The following L3MBTL4 variants were observed in gnomAD, a reference collection of about 807,000 sequenced individuals.
L3MBTL4 encodes the protein L3MBTL histone methyl-lysine binding protein 4, also known as lethal(3)malignant brain tumor-like protein 4.
In L3MBTL4, 70 loss-of-function variants were observed where a neutral mutation model predicts 84.5. That is an observed-to-expected ratio of 0.83 (90% CI 0.68 to 1.01). The LOEUF (loss-of-function observed/expected upper bound fraction) is 1.01. L3MBTL4 is among the 50% of genes least tolerant of loss of function. The pLI, the probability that L3MBTL4 is intolerant of heterozygous loss-of-function variation, is 0.00. For missense variants in L3MBTL4, 715 were observed against 754.8 expected, an observed-to-expected ratio of 0.95 and a Z score of 0.62; for synonymous variants, 274 against 259.8, an observed-to-expected ratio of 1.05 and a Z score of -0.52.
At chr18:6,176,999 A>G (rs1279346197) in intron 12 of L3MBTL4, among the ~76,000 whole-genome samples, 1 of 152,218 alleles carries the variant, frequency 6.6e-6, no homozygotes, top group Non-Finnish European at 1.5e-5. Context: ...GTTACTGCCG[A>G]GGCTGTGGAG....
chr18:5,990,143 G>A (rs2053626793), intron 16 of L3MBTL4, among the ~76,000 whole-genome samples: 1 of 152,200 alleles, frequency 6.6e-6, no homozygotes, highest in East Asian at 1.9e-4. Context: ...AAGGCCTTTG[G>A]GCAGGGAAGT....
At chr18:6,347,979 CAA>C (rs1156822503) in intron 1 of L3MBTL4, among the ~76,000 whole-genome samples, 1 of 151,862 alleles carries the variant, frequency 6.6e-6, no homozygotes, top group Non-Finnish European at 1.5e-5. Context: ...AAGATCCATA[CAA>C]AGAGTCAATC....
chr18:6,194,405 A>G lies in L3MBTL4; in HGVS notation c.981+18744T>C, dbSNP rs192086179. ...AATGAACACAACATGTAGGCTGCTA[A>G]ATGCCACCATCACAGCCGTCGTTAC... On this transcript the variant is annotated intron_variant, in intron 12 of 18. Transcript: ENST00000317931. 3.3e-5 allele frequency among the ~76,000 whole-genome samples: 5 copies of G among 152,344 alleles called. No homozygotes were observed. In the East Asian group the frequency reaches 9.6e-4, roughly 29 times the overall value.
intron 1 of L3MBTL4, among the ~76,000 whole-genome samples, chr18:6,399,337 T>C (rs530155200): frequency 1.2e-4 from 19 of 152,028 alleles, no homozygotes; most frequent in African/African-American, 3.6e-4. Flanking sequence ...ACTTGGAGGC[T>C]GAGGCAGGAG....
chr18:6,140,982 T>A (rs2060179253), intron 13 of L3MBTL4, among the ~76,000 whole-genome samples: 1 of 151,430 alleles, frequency 6.6e-6, no homozygotes, highest in South Asian at 2.1e-4. Flanking sequence ...TAACACAAAT[T>A]TATGGTTTAT....
intron 1 of L3MBTL4, among the ~76,000 whole-genome samples, chr18:6,368,121 C>G (rs1162839652): frequency 1.3e-5 from 2 of 152,038 alleles, no homozygotes; most frequent in African/African-American, 4.8e-5. Flanking sequence ...GACCTCAGGC[C>G]TCCCCTCAGC....
chr18:6,220,340 T>C (rs1021458619), intron 10 of L3MBTL4, among the ~76,000 whole-genome samples: 3 of 152,182 alleles, frequency 2.0e-5, no homozygotes, highest in African/African-American at 7.2e-5. Context: ...TCCTGTTCAC[T>C]ACACTCCTGC....
intron 4 of L3MBTL4, among the ~76,000 whole-genome samples, chr18:6,289,049 T>C (rs1403817892): frequency 6.6e-6 from 1 of 152,048 alleles, no homozygotes; most frequent in Non-Finnish European, 1.5e-5. Flanking sequence ...TGAGAAAGAA[T>C]CTTATATAGT....
chr18:6,040,146 C>T (rs2056335798), intron 16 of L3MBTL4, among the ~76,000 whole-genome samples: 1 of 152,066 alleles, frequency 6.6e-6, no homozygotes, highest in Non-Finnish European at 1.5e-5. Flanking sequence ...ATATACCCTG[C>T]AAGGTATTTT....
chr18:6,100,513 T>C (rs902260187), intron 14 of L3MBTL4, among the ~76,000 whole-genome samples: 8 of 152,232 alleles, frequency 5.3e-5, no homozygotes, highest in Non-Finnish European at 1.0e-4. Flanking sequence ...CTCACTCAAG[T>C]TGAAATTTTC....
intron 10 of L3MBTL4, among the ~76,000 whole-genome samples, chr18:6,236,233 TGGAC>T (rs2047210149): frequency 6.6e-6 from 1 of 152,214 alleles, no homozygotes; most frequent in South Asian, 2.1e-4. Flanking sequence ...TGGTATAAAT[TGGAC>T]ATACGAACCA....
chr18:6,155,701 TA>T lies in L3MBTL4; in HGVS notation c.1096+16126del, dbSNP rs546833188. On this transcript the variant is annotated intron_variant, in intron 13 of 18. Coordinates refer to ENST00000317931, the MANE Select transcript of L3MBTL4 (RefSeq NM_001330559.2). ...ATAAAAGCCAAAGTCTCTTACTTCT[TA>T]AATATGATGAAAAATTTTCAGTTCT... is the stretch of plus-strand genomic sequence containing the variant. Among the ~76,000 whole-genome samples, 16 of 152,340 alleles carry T rather than the reference TA, an allele frequency of 1.1e-4. 1 individual carries two copies. The South Asian group carries it at 3.1e-3, about 30-fold the overall frequency.
At chr18:6,083,390 C>T (rs1462694326) in intron 15 of L3MBTL4, among the ~76,000 whole-genome samples, 1 of 152,116 alleles carries the variant, frequency 6.6e-6, no homozygotes, top group African/African-American at 2.4e-5. Flanking sequence ...CACCATGCAA[C>T]GAAAGGCAGC....
chr18:6,371,413 C>T (rs189169958), intron 1 of L3MBTL4, among the ~76,000 whole-genome samples: 27 of 152,254 alleles, frequency 1.8e-4, no homozygotes, highest in Admixed American at 1.4e-3. Context: ...CGAGACCCTG[C>T]GGGGAGAGCC....
chr18:6,072,703 A>T (rs2057703724), intron 16 of L3MBTL4, among the ~76,000 whole-genome samples: 1 of 147,726 alleles, frequency 6.8e-6, no homozygotes, highest in Non-Finnish European at 1.5e-5. Flanking sequence ...CACACAAAAA[A>T]AAATTAGCTG....
intron 4 of L3MBTL4, among the ~76,000 whole-genome samples, chr18:6,277,566 T>C (rs953887939): frequency 6.6e-5 from 10 of 152,178 alleles, no homozygotes; most frequent in African/African-American, 2.4e-4. Context: ...TTAAAACCAG[T>C]TGAGATTCTG....
At chr18:6,140,602 T>A (rs1200043817) in intron 13 of L3MBTL4, among the ~76,000 whole-genome samples, 1 of 152,008 alleles carries the variant, frequency 6.6e-6, no homozygotes, top group Admixed American at 6.6e-5. Flanking sequence ...TCCACTGCAG[T>A]GTGGGACGCA....
chr18:6,003,996 A>C (rs2054345941), intron 16 of L3MBTL4, among the ~76,000 whole-genome samples: 1 of 152,112 alleles, frequency 6.6e-6, no homozygotes, highest in African/African-American at 2.4e-5. Flanking sequence ...TTAAACCCAA[A>C]GCTTCCAGAA....
At chr18:6,011,419 T>C (rs1018881058) in intron 16 of L3MBTL4, among the ~76,000 whole-genome samples, 4 of 152,166 alleles carry the variant, frequency 2.6e-5, no homozygotes, top group Non-Finnish European at 5.9e-5. Flanking sequence ...ATACCTGACA[T>C]AGACAGCTCT....
Sources: gnomAD v4.1 joint callset for allele counts (sites outside exome capture counted in the v4.1 genomes callset) on GRCh38, gnomAD v4.1.1 for gene constraint, MANE v1.5 for transcripts, NCBI Gene and HGNC (gene_info 2026-07-23, HGNC 2026-07-21) for gene names.